The following TOMM34 variants were observed in gnomAD, a reference collection of about 807,000 sequenced individuals.
TOMM34 encodes the protein mitochondrial import receptor subunit TOM34.
Under a neutral mutation model 37.4 loss-of-function variants are expected in TOMM34, and 24 were observed. That is an observed-to-expected ratio of 0.64 (90% confidence interval 0.46 to 0.90). TOMM34 has a LOEUF of 0.90. TOMM34 is among the 40% of genes least tolerant of loss of function. The pLI, the probability that TOMM34 is intolerant of heterozygous loss-of-function variation, is 0.00. For synonymous variants in TOMM34, 154 were observed against 148.9 expected, an observed-to-expected ratio of 1.03 and a Z score of -0.25; for missense variants, 304 against 375.6, an observed-to-expected ratio of 0.81 and a Z score of 1.58.
At chr20:44,953,675 T>A (rs1021338901) in intron 3 of TOMM34, among the ~76,000 whole-genome samples, 1 of 152,148 alleles carries the variant, frequency 6.6e-6, no homozygotes, top group African/African-American at 2.4e-5. Context: ...GTCAATAATC[T>A]GAGTGTCTTC....
chr20:44,954,380 T>G (rs2067052336), intron 3 of TOMM34, among the ~76,000 whole-genome samples: 1 of 152,154 alleles, frequency 6.6e-6, no homozygotes, highest in Non-Finnish European at 1.5e-5. Flanking sequence ...TGGAATCAGA[T>G]AAGTTAAAAA....
At chr20:44,947,027 G>C (rs944084314) in intron 5 of TOMM34, among the ~76,000 whole-genome samples, 1 of 152,172 alleles carries the variant, frequency 6.6e-6, no homozygotes, top group African/African-American at 2.4e-5. Flanking sequence ...CCTGCATGAA[G>C]AACAGTATCT....
rs1473174224 is a variant in TOMM34 at position 44,942,473 on chromosome 20, G to A, written c.*636C>T. On this transcript the variant is annotated 3_prime_UTR_variant, in exon 7 of 7. Coordinates refer to ENST00000372813, the MANE Select transcript of TOMM34 (RefSeq NM_006809.5). ...CTTAGGTGCCTCTCTGCAGAAGGCA[G>A]CAGCACAGAGTCAAGGACAACCATT... 2.0e-5 allele frequency: 3 copies of A among 153,020 alleles called. No homozygotes were observed. The highest frequency in any genetic ancestry group is 4.8e-5 in the African/African-American group (2 of 41,454). 9.5% of individuals were successfully genotyped at this position (153,020 alleles called of 1,614,324 possible). A position where few individuals can be genotyped will look rare whatever the true frequency, so the allele number is the denominator to read the frequency against.
intron 5 of TOMM34, 115 bp from the exon 6 acceptor site, chr20:44,943,694 A>T: frequency 4.9e-6 from 7 of 1,437,798 alleles, no homozygotes; most frequent in Middle Eastern, 2.5e-4. Context: ...TGTGCTGGTT[A>T]CTTTATGTCT....
At chr20:44,951,580 T>C (rs1466064906) in intron 4 of TOMM34, among the ~76,000 whole-genome samples, 1 of 152,214 alleles carries the variant, frequency 6.6e-6, no homozygotes, top group African/African-American at 2.4e-5. Context: ...ACTGCATGCC[T>C]ATGTGCCAGG....
chr20:44,960,119 G>T, intron 1 of TOMM34, 88 bp downstream of exon 1: 1 of 1,474,910 alleles, frequency 6.8e-7, no homozygotes. Context: ...GGGCCGGGCA[G>T]GACTGCTGGC....
chr20:44,953,639 T>C (rs2145603387), intron 3 of TOMM34, among the ~76,000 whole-genome samples: 1 of 152,338 alleles, frequency 6.6e-6, no homozygotes, highest in South Asian at 2.1e-4. Flanking sequence ...TCTAGTCTTA[T>C]GTCCCACAGT....
chr20:44,946,851 T>G (rs1456929797), intron 5 of TOMM34, among the ~76,000 whole-genome samples: 1 of 152,232 alleles, frequency 6.6e-6, no homozygotes, highest in African/African-American at 2.4e-5. Flanking sequence ...AACCAAAAGC[T>G]GTCCAACAAG....
chr20:44,955,371 C>T lies in TOMM34; in HGVS notation c.228-151G>A, dbSNP rs547259355. On this transcript the variant is annotated intron_variant, in intron 2 of 6. Transcript: ENST00000372813. ...TGGCTAAAAACGCCAAACCTCAGAACAGGGATTTTTCAACGTAGACTGAAG... is the reference window on the plus strand; with the variant it reads ...TGGCTAAAAACGCCAAACCTCAGAATAGGGATTTTTCAACGTAGACTGAAG... The T allele has an allele frequency of 4.1e-5, 40 of 969,996 alleles. No homozygotes were observed. In the African/African-American group the frequency reaches 6.3e-4, roughly 15 times the overall value. 60.1% of individuals were successfully genotyped at this position (969,996 alleles called of 1,614,324 possible).
chr20:44,954,939 A>T, intron 3 of TOMM34, 129 bp downstream of exon 3: 2 of 1,181,692 alleles, frequency 1.7e-6, no homozygotes, highest in South Asian at 1.7e-5. Context: ...CTTCCCCTAC[A>T]TGCCCATCGG....
chr20:44,946,728 A>G (rs2066983857), intron 5 of TOMM34, among the ~76,000 whole-genome samples: 1 of 152,220 alleles, frequency 6.6e-6, no homozygotes, highest in South Asian at 2.1e-4. Context: ...CATGAGGTGG[A>G]GCATTAGACT....
intron 5 of TOMM34, among the ~76,000 whole-genome samples, chr20:44,946,898 T>C (rs2066985207): frequency 1.3e-5 from 2 of 152,212 alleles, no homozygotes; most frequent in African/African-American, 4.8e-5. Context: ...TCCGAAGCTT[T>C]AGCTAGAAGA....
At chr20:44,952,424 T>A (rs751179679) in intron 3 of TOMM34, among the ~76,000 whole-genome samples, 1 of 152,188 alleles carries the variant, frequency 6.6e-6, no homozygotes, top group East Asian at 1.9e-4. Context: ...CATTCTCAAA[T>A]CTTACAACTC....
At position 44,960,322 on chromosome 20, in the gene TOMM34, T is replaced by C; in HGVS notation, c.12A>G (p.Lys4=). MAP[K]FPDSVEELRA... is the part of the protein sequence containing the mutation. ...GGAGCTCCTCCACAGAGTCTGGGAA[T>C]TTGGGGGCCATCCCGTGGCCAGGCC... is the stretch of plus-strand genomic sequence containing the variant. Residue 4 remains lysine (K), a synonymous_variant, in exon 1 of 7, where the codon AAA becomes AAG. Coordinates refer to ENST00000372813, the MANE Select transcript of TOMM34 (RefSeq NM_006809.5). The C allele has an allele frequency of 1.9e-6, 3 of 1,577,874 alleles. No homozygotes were observed. The highest frequency in any genetic ancestry group is 2.6e-6 in the Non-Finnish European group (3 of 1,162,726).
chr20:44,955,147 A>G lies in TOMM34; in HGVS notation c.301T>C (p.Tyr101His). 1.2e-6 allele frequency: 2 copies of G among 1,614,194 alleles called. No homozygotes were observed. The highest frequency in any genetic ancestry group is 2.2e-5 in the South Asian group (2 of 91,084). ...TTATAGTCAACATAGGCCATAGGGT[A>G]CTTCTCCAGAGCCTCATAAGCAGAT... ...RASAYEALEK[Y>H]PMAYVDYKTV... Residue 101 changes from tyrosine (Y) to histidine (H), a missense_variant, in exon 3 of 7, where the codon TAC becomes CAC. Transcript: ENST00000372813.
intron 5 of TOMM34, 60 bp downstream of exon 5, chr20:44,948,670 G>C: frequency 1.9e-6 from 3 of 1,596,456 alleles, no homozygotes; most frequent in Non-Finnish European, 1.7e-6. Context: ...TGCAGTCCAA[G>C]AGAAGACTAT....
intron 5 of TOMM34, among the ~76,000 whole-genome samples, chr20:44,946,209 A>T (rs1204947838): frequency 6.6e-6 from 1 of 152,198 alleles, no homozygotes; most frequent in Non-Finnish European, 1.5e-5. Flanking sequence ...TGGCAATTTA[A>T]AGAAATAGCC....
chr20:44,955,484 A>C, intron 2 of TOMM34: 3 of 584,442 alleles, frequency 5.1e-6, no homozygotes, highest in Non-Finnish European at 9.7e-6. Context: ...TTCCCCCAAA[A>C]TCAAGAACAA....
Position 44,960,189 on chromosome 20 carries a change from T to G in TOMM34, c.127+18A>C. The G allele has an allele frequency of 6.5e-7, 1 of 1,550,200 alleles. No individual in the cohort carries two copies. Among genetic ancestry groups the G allele is most frequent in the Non-Finnish European group, 8.7e-7 (1 of 1,148,444 alleles). On this transcript the variant is annotated intron_variant, in intron 1 of 6. Coordinates refer to ENST00000372813, the MANE Select transcript of TOMM34 (RefSeq NM_006809.5). ...TGGAGGAGCAGGCCCGGAGGTGAGATGGGGGCCGGGGTCGTACCTTGCGCC... is the reference window on the plus strand; with the variant it reads ...TGGAGGAGCAGGCCCGGAGGTGAGAGGGGGGCCGGGGTCGTACCTTGCGCC...
Sources: gnomAD v4.1 joint callset for allele counts (sites outside exome capture counted in the v4.1 genomes callset) on GRCh38, gnomAD v4.1.1 for gene constraint, MANE v1.5 for transcripts, NCBI Gene and HGNC (gene_info 2026-07-23, HGNC 2026-07-21) for gene names.